Variants in DACH2 observed in about 807,000 individuals in gnomAD.
DACH2 encodes dachshund homolog 2.
DACH2 carries 17 observed loss-of-function variants against 35.8 expected under a neutral mutation model. The observed-to-expected ratio is 0.48, with a 90% CI of 0.33 to 0.71. DACH2 has a LOEUF of 0.71. DACH2 is among the 30% of genes least tolerant of loss of function. The pLI is 0.02. For synonymous variants in DACH2, 195 were observed against 177.3 expected (o/e 1.10, Z -0.79); for missense variants, 469 against 472.7 (o/e 0.99, Z 0.07).
intron 2 of DACH2, among the ~76,000 whole-genome samples, chrX:86,428,099 CTAAAG>C (rs887936800): frequency 6.3e-5 from 7 of 111,407 alleles, no homozygotes; most frequent in African/African-American, 2.0e-4. Flanking sequence ...TTTATACTAA[CTAAAG>C]TAGATTGCTG....
intron 2 of DACH2, among the ~76,000 whole-genome samples, chrX:86,436,385 G>T (rs5923531): frequency 0.21 from 12,279 of 57,762 alleles, 699 homozygotes; most frequent in Non-Finnish European, 0.28. Flanking sequence ...TATATATATA[G>T]AGAGAGAGAG....
At chrX:86,765,385 A>G (rs1363316725) in intron 7 of DACH2, among the ~76,000 whole-genome samples, 1 of 111,247 alleles carries the variant, frequency 9.0e-6, no homozygotes, top group East Asian at 2.8e-4. Context: ...TACATTTTTA[A>G]TCCATATTGT....
chrX:86,327,302 A>G (rs752525423), intron 1 of DACH2, among the ~76,000 whole-genome samples: 2 of 112,134 alleles, frequency 1.8e-5, no homozygotes, highest in South Asian at 7.4e-4. Context: ...TACTCCTTTT[A>G]TCATTACTTG....
At chrX:86,544,503 A>G (rs973595807) in intron 3 of DACH2, among the ~76,000 whole-genome samples, 2 of 111,669 alleles carry the variant, frequency 1.8e-5, no homozygotes, top group South Asian at 3.8e-4. Context: ...ATTCTTAAAG[A>G]AAAGAAATTC....
intron 3 of DACH2, among the ~76,000 whole-genome samples, chrX:86,612,645 C>G (rs1249483359): frequency 8.9e-6 from 1 of 112,305 alleles, no homozygotes; most frequent in African/African-American, 3.2e-5. Context: ...CACATAGATT[C>G]TCTCTCCACA....
chrX:86,788,356 G>A (rs910268242), intron 7 of DACH2, among the ~76,000 whole-genome samples: 2 of 110,672 alleles, frequency 1.8e-5, no homozygotes, highest in African/African-American at 6.6e-5. Flanking sequence ...CTATTTTAGA[G>A]AGACAGCTTA....
At chrX:86,410,392 G>A (rs939515086) in intron 2 of DACH2, among the ~76,000 whole-genome samples, 3 of 111,749 alleles carry the variant, frequency 2.7e-5, no homozygotes, top group Non-Finnish European at 5.6e-5. Context: ...GCTAGAAAAT[G>A]TTACTCTGGA....
intron 2 of DACH2, among the ~76,000 whole-genome samples, chrX:86,429,903 G>A (rs998722989): frequency 7.1e-5 from 8 of 111,896 alleles, no homozygotes; most frequent in African/African-American, 2.6e-4. Flanking sequence ...CTGAAACATA[G>A]AACTTTTAGA....
intron 7 of DACH2, among the ~76,000 whole-genome samples, chrX:86,809,925 A>G (rs769102783): frequency 7.9e-4 from 88 of 111,075 alleles, no homozygotes; most frequent in African/African-American, 2.7e-3. Flanking sequence ...CCACATTATC[A>G]AAATGAATCA....
intron 4 of DACH2, among the ~76,000 whole-genome samples, chrX:86,654,441 G>A (rs757076591): frequency 9.1e-6 from 1 of 110,012 alleles, no homozygotes; most frequent in Non-Finnish European, 1.9e-5. Context: ...TCAGGACAGT[G>A]TAGATCACCT....
chrX:86,368,487 C>A (rs1044695459), intron 1 of DACH2, among the ~76,000 whole-genome samples: 3 of 110,152 alleles, frequency 2.7e-5, no homozygotes, highest in Non-Finnish European at 3.8e-5. Flanking sequence ...GATCAGTATG[C>A]AAACTGTTAG....
chrX:86,486,464 T>C (rs1170261838), intron 2 of DACH2, among the ~76,000 whole-genome samples: 1 of 111,055 alleles, frequency 9.0e-6, no homozygotes, highest in South Asian at 3.8e-4. Flanking sequence ...AAGTTCCAGC[T>C]TCCTTTACCT....
intron 6 of DACH2, among the ~76,000 whole-genome samples, chrX:86,728,139 G>A (rs1033131703): frequency 8.9e-6 from 1 of 111,986 alleles, no homozygotes; most frequent in Non-Finnish European, 1.9e-5. Flanking sequence ...GAATTTATTT[G>A]GAACTGGAGC....
chrX:86,723,924 T>C (rs2041436255), intron 6 of DACH2, among the ~76,000 whole-genome samples: 1 of 111,520 alleles, frequency 9.0e-6, no homozygotes, highest in Non-Finnish European at 1.9e-5. Flanking sequence ...TTGTATCTGA[T>C]ATAAATATAG....
Position 86,391,282 on chromosome X carries a change from T to TAAAAAA in DACH2, c.527+14455_527+14460dup, listed in dbSNP as rs55941702. On this transcript the variant is annotated intron_variant, in intron 2 of 11. Coordinates refer to ENST00000373125, the MANE Select transcript of DACH2 (RefSeq NM_053281.3). ...TGGGTGACAGAGTGAGGCTCTGTCT[T>TAAAAAA]AAAAAAAAAAAAAAAAAAAAAAAAA... Among the ~76,000 whole-genome samples, 22 of 21,432 alleles carry TAAAAAA rather than the reference T, an allele frequency of 1.0e-3. 1 individual carries two copies. The highest frequency in any genetic ancestry group is 1.9e-3 in the Admixed American group (2 of 1,081). 18.6% of individuals were successfully genotyped at this position (21,432 alleles called of 115,157 possible). A position where few individuals can be genotyped will look rare whatever the true frequency, so the allele number is the denominator to read the frequency against.
chrX:86,210,287 C>A (rs781652178), intron 1 of DACH2, among the ~76,000 whole-genome samples: 3 of 111,717 alleles, frequency 2.7e-5, no homozygotes, highest in Admixed American at 1.9e-4. Flanking sequence ...ATTACTATCT[C>A]TATTTTTTTG....
At chrX:86,786,225 A>G in intron 7 of DACH2, among the ~76,000 whole-genome samples, 1 of 111,733 alleles carries the variant, frequency 8.9e-6, no homozygotes, top group East Asian at 2.8e-4. Flanking sequence ...CAAAATGTGC[A>G]TCTTGGCACT....
rs1490519457 is a variant in DACH2 at position 86,417,226 on chromosome X, CCCAT to C, written c.527+40366_527+40369del. ...ATCTGACCCCATGACCCAAACATCTCCCATCTGGCTCAACTTCCAATATTGGGGA... is the reference window on the plus strand; with the variant it reads ...ATCTGACCCCATGACCCAAACATCTCCTGGCTCAACTTCCAATATTGGGGA... On this transcript the variant is annotated intron_variant, in intron 2 of 11. Coordinates refer to ENST00000373125, the MANE Select transcript of DACH2 (RefSeq NM_053281.3). Among the ~76,000 whole-genome samples, 6 of 110,790 alleles carry C rather than the reference CCCAT, an allele frequency of 5.4e-5. No homozygotes were observed. The East Asian group carries it at 1.7e-3, about 32-fold the overall frequency.
At chrX:86,195,680 C>T (rs1198476766) in intron 1 of DACH2, among the ~76,000 whole-genome samples, 1 of 111,818 alleles carries the variant, frequency 8.9e-6, no homozygotes, top group Non-Finnish European at 1.9e-5. Context: ...GCCAGCACCA[C>T]CCTTTGGAGT....
Sources: gnomAD v4.1 joint callset for allele counts (sites outside exome capture counted in the v4.1 genomes callset) on GRCh38, gnomAD v4.1.1 for gene constraint, MANE v1.5 for transcripts, NCBI Gene and HGNC (gene_info 2026-07-23, HGNC 2026-07-21) for gene names.